Variants in C8orf34 observed in about 807,000 individuals in gnomAD.
The protein encoded by C8orf34 is chromosome 8 open reading frame 34.
In C8orf34, 65 loss-of-function variants were observed where a neutral mutation model predicts 68.3. The observed-to-expected ratio is 0.95, with a 90% CI of 0.78 to 1.17. C8orf34 has a LOEUF of 1.17. Ranked by LOEUF, C8orf34 falls within the 50% of genes most tolerant of loss-of-function variation. C8orf34 has a pLI of 0.00. For synonymous variants in C8orf34, 244 were observed against 241.2 expected, an observed-to-expected ratio of 1.01 and a Z score of -0.11; for missense variants, 664 against 655.4, an observed-to-expected ratio of 1.01 and a Z score of -0.14.
At chr8:68,582,969 T>TTTGTAATTTCATCC (rs1200357432) in intron 7 of C8orf34, among the ~76,000 whole-genome samples, 17 of 152,098 alleles carry the variant, frequency 1.1e-4, no homozygotes, top group African/African-American at 3.6e-4. Flanking sequence ...ATAAGAGTCT[T>TTTGTAATTTCATCC]TTGTAATTTC....
intron 7 of C8orf34, among the ~76,000 whole-genome samples, chr8:68,612,351 C>T (rs1818048508): frequency 6.6e-6 from 1 of 151,958 alleles, no homozygotes. Flanking sequence ...ACAACTTGCC[C>T]CAAATCACAC....
At chr8:68,623,999 G>A (rs916198522) in intron 7 of C8orf34, among the ~76,000 whole-genome samples, 8 of 152,190 alleles carry the variant, frequency 5.3e-5, no homozygotes, top group East Asian at 1.9e-4. Flanking sequence ...TGGGCTGTGC[G>A]CAGCAGCTCA....
intron 12 of C8orf34, among the ~76,000 whole-genome samples, chr8:68,790,532 T>A (rs1206070710): frequency 6.6e-6 from 1 of 152,214 alleles, no homozygotes; most frequent in Non-Finnish European, 1.5e-5. Flanking sequence ...CTCAAATAAA[T>A]TTTTATAAAT....
intron 8 of C8orf34, among the ~76,000 whole-genome samples, chr8:68,679,800 A>G (rs2130871717): frequency 6.6e-6 from 1 of 152,296 alleles, no homozygotes; most frequent in East Asian, 1.9e-4. Flanking sequence ...ACTCGTTTTC[A>G]ACAAAGGTGC....
At chr8:68,440,311 C>T (rs566526714) in intron 2 of C8orf34, among the ~76,000 whole-genome samples, 7 of 152,272 alleles carry the variant, frequency 4.6e-5, no homozygotes, top group East Asian at 1.9e-4. Flanking sequence ...GTCTGATTCC[C>T]GTAGAAATCC....
chr8:68,331,464 G>A lies in C8orf34; in HGVS notation c.327+125G>A, dbSNP rs1006168426. ...GGCTAGAGAACCAACGCGCGGGAGA[G>A]GGCGCCCTGGGATTCACTGGCATTC... is the stretch of plus-strand genomic sequence containing the variant. On this transcript the variant is annotated intron_variant, in intron 1 of 13. Coordinates refer to ENST00000518698, the MANE Select transcript of C8orf34 (RefSeq NM_052958.4). 20 of 1,077,860 alleles carry A rather than the reference G, an allele frequency of 1.9e-5. No individual in the cohort carries two copies. In the African/African-American group the frequency reaches 2.6e-4, roughly 14 times the overall value. The allele number at this position is 1,077,860 out of a possible 1,614,324, so 66.8% of individuals were successfully genotyped here.
chr8:68,445,646 G>T (rs1811089459), intron 2 of C8orf34, among the ~76,000 whole-genome samples: 1 of 152,116 alleles, frequency 6.6e-6, no homozygotes, highest in African/African-American at 2.4e-5. Context: ...GATTTTACTT[G>T]TCATGATAGA....
At chr8:68,720,189 C>T (rs16934958) in intron 9 of C8orf34, among the ~76,000 whole-genome samples, 14,475 of 151,880 alleles carry the variant, frequency 0.095, 754 homozygotes, top group East Asian at 0.13. Context: ...ATGTCTCTCC[C>T]GAAGTCAGTT....
intron 9 of C8orf34, among the ~76,000 whole-genome samples, chr8:68,716,931 G>T (rs1266878240): frequency 6.6e-6 from 1 of 151,616 alleles, no homozygotes; most frequent in Non-Finnish European, 1.5e-5. Flanking sequence ...TAAAATCAGT[G>T]ATGTACAAAT....
intron 11 of C8orf34, among the ~76,000 whole-genome samples, chr8:68,783,766 G>C (rs948203059): frequency 6.6e-6 from 1 of 151,908 alleles, no homozygotes; most frequent in African/African-American, 2.4e-5. Flanking sequence ...CAACCACCTC[G>C]GGCACATGTC....
At chr8:68,581,197 G>A (rs765692339) in intron 7 of C8orf34, among the ~76,000 whole-genome samples, 12 of 152,094 alleles carry the variant, frequency 7.9e-5, no homozygotes, top group South Asian at 2.1e-4. Context: ...ATGAAATGGC[G>A]AAGTGGATGT....
intron 8 of C8orf34, among the ~76,000 whole-genome samples, chr8:68,684,900 T>A (rs1820469817): frequency 1.3e-5 from 2 of 152,080 alleles, no homozygotes; most frequent in Non-Finnish European, 2.9e-5. Flanking sequence ...AGGAAAATTA[T>A]GTTGGAGTTA....
intron 9 of C8orf34, among the ~76,000 whole-genome samples, chr8:68,711,784 T>C (rs907676207): frequency 2.0e-5 from 3 of 152,072 alleles, no homozygotes; most frequent in African/African-American, 7.2e-5. Flanking sequence ...CAAGGAAAAC[T>C]TCCCTGGCCT....
intron 10 of C8orf34, among the ~76,000 whole-genome samples, chr8:68,746,819 G>C (rs1461905778): frequency 6.6e-6 from 1 of 150,900 alleles, no homozygotes; most frequent in Non-Finnish European, 1.5e-5. Context: ...GGAGGAACTG[G>C]TACCATTCCT....
At chr8:68,696,281 TG>T (rs1220510042) in intron 8 of C8orf34, among the ~76,000 whole-genome samples, 1 of 147,964 alleles carries the variant, frequency 6.8e-6, no homozygotes, top group Non-Finnish European at 1.5e-5. Context: ...AGTAAAGGAT[TG>T]GTAATAAAAA....
intron 10 of C8orf34, among the ~76,000 whole-genome samples, chr8:68,757,958 A>G (rs1190079228): frequency 6.6e-6 from 1 of 152,214 alleles, no homozygotes; most frequent in Non-Finnish European, 1.5e-5. Context: ...TTAAAATGGC[A>G]GGTATGTAAC....
intron 8 of C8orf34, among the ~76,000 whole-genome samples, chr8:68,703,802 T>G (rs975708605): frequency 6.6e-6 from 1 of 152,064 alleles, no homozygotes; most frequent in East Asian, 1.9e-4. Flanking sequence ...TTTATACTCA[T>G]GTCCCTCACT....
At chr8:68,641,232 AG>A (rs1468409437) in intron 8 of C8orf34, among the ~76,000 whole-genome samples, 10 of 152,334 alleles carry the variant, frequency 6.6e-5, no homozygotes, top group African/African-American at 2.2e-4. Flanking sequence ...CTTTATGTCT[AG>A]CTGCTCTATT....
intron 5 of C8orf34, among the ~76,000 whole-genome samples, chr8:68,512,983 T>G (rs1227186223): frequency 1.3e-5 from 2 of 152,188 alleles, no homozygotes; most frequent in African/African-American, 4.8e-5. Flanking sequence ...AAGGGCGTGA[T>G]TAGTTCCATA....
Sources: gnomAD v4.1 joint callset for allele counts (sites outside exome capture counted in the v4.1 genomes callset) on GRCh38, gnomAD v4.1.1 for gene constraint, MANE v1.5 for transcripts, NCBI Gene and HGNC (gene_info 2026-07-23, HGNC 2026-07-21) for gene names.